The following CA5A variants were observed in gnomAD, a reference collection of about 807,000 sequenced individuals.
The protein encoded by CA5A is carbonic anhydrase 5A, mitochondrial.
In CA5A, 28 loss-of-function variants were observed where a neutral mutation model predicts 37.1. The observed-to-expected ratio is 0.75, with a 90% CI of 0.56 to 1.03. The LOEUF (loss-of-function observed/expected upper bound fraction) is 1.03. CA5A is among the 50% of genes least tolerant of loss of function. CA5A has a pLI of 0.00. For missense variants in CA5A, 444 were observed against 399.9 expected, an observed-to-expected ratio of 1.11 and a Z score of -0.94; for synonymous variants, 171 against 158.4, an observed-to-expected ratio of 1.08 and a Z score of -0.60.
At chr16:87,897,424 A>G (rs1034789216) in intron 5 of CA5A, among the ~76,000 whole-genome samples, 4 of 150,874 alleles carry the variant, frequency 2.7e-5, no homozygotes, top group East Asian at 2.0e-4. Flanking sequence ...CGGGGTCACC[A>G]GGACCACACT....
chr16:87,904,719 C>G, intron 3 of CA5A, 67 bp downstream of exon 3: 1 of 969,724 alleles, frequency 1.0e-6, no homozygotes, highest in South Asian at 1.4e-5. Context: ...GGCTTGTTCA[C>G]CCCCCACCAT....
chr16:87,903,585 G>A (rs925724039), intron 3 of CA5A, among the ~76,000 whole-genome samples: 1 of 152,206 alleles, frequency 6.6e-6, no homozygotes, highest in Non-Finnish European at 1.5e-5. Context: ...TTATAAATAT[G>A]TGTATGATGA....
intron 5 of CA5A, among the ~76,000 whole-genome samples, chr16:87,895,590 T>G (rs1597546475): frequency 6.6e-6 from 1 of 151,996 alleles, no homozygotes; most frequent in East Asian, 1.9e-4. Flanking sequence ...AAATAAAAAT[T>G]GAAGGGTACA....
At chr16:87,914,975 G>A (rs1201511410) in intron 2 of CA5A, among the ~76,000 whole-genome samples, 1 of 152,228 alleles carries the variant, frequency 6.6e-6, no homozygotes, top group Admixed American at 6.5e-5. Flanking sequence ...GCCGGGCACC[G>A]AGTTGACGGG....
intron 2 of CA5A, among the ~76,000 whole-genome samples, chr16:87,922,958 C>T (rs1269193874): frequency 6.6e-6 from 1 of 152,204 alleles, no homozygotes; most frequent in Non-Finnish European, 1.5e-5. Context: ...GTATCTCCCA[C>T]GACTGTTGAA....
At chr16:87,926,725 C>A in intron 2 of CA5A, 23 bp downstream of exon 2, 1 of 1,595,450 alleles carries the variant, frequency 6.3e-7, no homozygotes, top group Non-Finnish European at 8.6e-7. Context: ...GGACAAAGCC[C>A]TCGAGCCCCA....
At chr16:87,916,982 G>C (rs1348575604) in intron 2 of CA5A, among the ~76,000 whole-genome samples, 1 of 151,968 alleles carries the variant, frequency 6.6e-6, no homozygotes, top group Non-Finnish European at 1.5e-5. Flanking sequence ...GTAGGCGCCT[G>C]TAGTCCCAGT....
At chr16:87,921,887 A>G (rs2056236131) in intron 2 of CA5A, among the ~76,000 whole-genome samples, 1 of 149,510 alleles carries the variant, frequency 6.7e-6, no homozygotes, top group African/African-American at 2.5e-5. Context: ...TATTTTTGAG[A>G]GACAGGATCT....
intron 2 of CA5A, among the ~76,000 whole-genome samples, chr16:87,914,777 G>A (rs1385083759): frequency 1.3e-5 from 2 of 152,208 alleles, no homozygotes; most frequent in African/African-American, 2.4e-5. Context: ...CTGGGCTTGG[G>A]AGGGGCTGGC....
intron 2 of CA5A, among the ~76,000 whole-genome samples, chr16:87,905,705 T>C (rs2055951347): frequency 1.3e-5 from 2 of 152,248 alleles, no homozygotes; most frequent in Admixed American, 6.5e-5. Context: ...GCATCAGTCC[T>C]GATCTCTGGC....
At chr16:87,915,478 G>T (rs1012554888) in intron 2 of CA5A, among the ~76,000 whole-genome samples, 2 of 149,996 alleles carry the variant, frequency 1.3e-5, no homozygotes, top group African/African-American at 2.4e-5. Context: ...CTTGCAGTGA[G>T]CCCAGATGCA....
At chr16:87,921,036 G>A (rs1379849557) in intron 2 of CA5A, among the ~76,000 whole-genome samples, 39 of 151,256 alleles carry the variant, frequency 2.6e-4, no homozygotes, top group Non-Finnish European at 1.2e-4. Context: ...CAGGTGATCC[G>A]CCTGCCTTGG....
intron 2 of CA5A, chr16:87,925,531 G>C (rs1444088322): frequency 6.6e-6 from 1 of 152,316 alleles, no homozygotes; most frequent in Admixed American, 6.5e-5. Flanking sequence ...TTCCAGACTC[G>C]CAGCAGGAGG....
intron 2 of CA5A, among the ~76,000 whole-genome samples, chr16:87,919,925 A>G (rs112379188): frequency 0.049 from 7,517 of 152,166 alleles, 650 homozygotes; most frequent in African/African-American, 0.17. Flanking sequence ...TATTTGCACC[A>G]TGGAAAGTGG....
rs557759223 is a variant in CA5A, at chr16:87,923,472, G to C, written c.340+3276C>G. On this transcript the variant is annotated intron_variant, in intron 2 of 6. Transcript: ENST00000649794. ...CAAAGTGCTGGGATTATAAGCATGAGCCAGCTCGCCCAGCCTGGCAGTGCT... is the reference window on the plus strand; with the variant it reads ...CAAAGTGCTGGGATTATAAGCATGACCCAGCTCGCCCAGCCTGGCAGTGCT... 28 of 885,684 alleles carry C rather than the reference G, an allele frequency of 3.2e-5. No homozygotes were observed. The Middle Eastern group carries it at 2.3e-3, about 72-fold the overall frequency. 54.9% of individuals were successfully genotyped at this position (885,684 alleles called of 1,614,324 possible).
In CA5A at chr16:87,924,835, G is replaced by A. The variant is rs150461422; in HGVS notation, c.340+1913C>T. On this transcript the variant is annotated intron_variant, in intron 2 of 6. Coordinates refer to ENST00000649794, the MANE Select transcript of CA5A (RefSeq NM_001739.2). ...AACGCAGAAGCGTGGAAGCAGGTCC[G>A]GGCATGCTGGCAGCCATGTGGGAGT... 2.1e-3 allele frequency among the ~76,000 whole-genome samples: 322 copies of A among 152,350 alleles called. 4 individuals are homozygous for A. The highest frequency in any genetic ancestry group is 7.3e-3 in the African/African-American group (305 of 41,574).
chr16:87,928,963 G>A (rs1206176855), intron 1 of CA5A, among the ~76,000 whole-genome samples: 1 of 149,038 alleles, frequency 6.7e-6, no homozygotes, highest in African/African-American at 2.4e-5. Flanking sequence ...TAGAGACGGG[G>A]TTTCACTGTG....
intron 1 of CA5A, among the ~76,000 whole-genome samples, chr16:87,927,183 C>T (rs555185993): frequency 3.9e-5 from 6 of 152,288 alleles, no homozygotes; most frequent in Non-Finnish European, 7.3e-5. Flanking sequence ...AAGCAACTCC[C>T]TCTGGGCCCA....
chr16:87,899,303 T>C (rs2055844395), intron 5 of CA5A, among the ~76,000 whole-genome samples: 1 of 132,228 alleles, frequency 7.6e-6, no homozygotes, highest in South Asian at 2.5e-4. Flanking sequence ...GTCTTTTTTT[T>C]TTTTTTTTTT....
Sources: allele counts gnomAD v4.1 joint callset (sites outside exome capture counted in the v4.1 genomes callset), GRCh38; gene constraint gnomAD v4.1.1; transcripts MANE v1.5; gene names NCBI Gene and HGNC (gene_info 2026-07-23, HGNC 2026-07-21).